PRKN: variants seen among roughly 807,000 people sequenced by gnomAD.
The protein encoded by PRKN is parkin RBR E3 ubiquitin protein ligase.
Under a neutral mutation model 59.5 loss-of-function variants are expected in PRKN, and 56 were observed. That is an observed-to-expected ratio of 0.94 (90% CI 0.76 to 1.18). The LOEUF is 1.18. Among genes scored for constraint, PRKN ranks in the 50% most tolerant of loss-of-function variants. PRKN has a pLI of 0.00. For synonymous variants in PRKN, 250 were observed against 222.1 expected (o/e 1.13, Z -1.12); for missense variants, 657 against 596.4 (o/e 1.10, Z -1.06).
intron 1 of PRKN, among the ~76,000 whole-genome samples, chr6:162,723,363 C>A (rs994215421): frequency 6.6e-6 from 1 of 152,144 alleles, no homozygotes; most frequent in Admixed American, 6.5e-5. Flanking sequence ...TCTTCGATGG[C>A]ACATGGGAGG....
intron 1 of PRKN, among the ~76,000 whole-genome samples, chr6:162,512,368 A>G (rs1310867473): frequency 6.6e-6 from 1 of 152,244 alleles, no homozygotes; most frequent in African/African-American, 2.4e-5. Flanking sequence ...CTTGGTGCTT[A>G]TGTTGCACTG....
intron 1 of PRKN, among the ~76,000 whole-genome samples, chr6:162,588,392 CAA>C (rs68135970): frequency 6.9e-6 from 1 of 143,952 alleles, no homozygotes; most frequent in African/African-American, 2.6e-5. Context: ...CTCACATTAA[CAA>C]AAAAAAAAAG....
In PRKN at chr6:162,603,834, C is replaced by T. The variant is rs377453658; in HGVS notation, c.7+123828G>A. ...TGTCACATTTCTGAAAGGGATCCTG[C>T]GGAAGCTGATTAAACTGTTAGAAAA... is the stretch of plus-strand genomic sequence containing the variant. On this transcript the variant is annotated intron_variant, in intron 1 of 11. Coordinates refer to ENST00000366898, the MANE Select transcript of PRKN (RefSeq NM_004562.3). 5.3e-5 allele frequency among the ~76,000 whole-genome samples: 8 copies of T among 152,160 alleles called. No homozygotes were observed. In the South Asian group the frequency reaches 1.0e-3, roughly 20 times the overall value.
chr6:162,519,583 T>C (rs771262365), intron 1 of PRKN, among the ~76,000 whole-genome samples: 76 of 152,160 alleles, frequency 5.0e-4, no homozygotes, highest in Non-Finnish European at 9.1e-4. Flanking sequence ...TGCATAAACA[T>C]AGTTCAGACT....
chr6:162,481,230 A>G (rs1342038253), intron 1 of PRKN, among the ~76,000 whole-genome samples: 1 of 152,216 alleles, frequency 6.6e-6, no homozygotes, highest in Non-Finnish European at 1.5e-5. Context: ...CTATTGATCT[A>G]GCCAGCTTCA....
At chr6:161,489,202 C>G (rs2115265479) in intron 9 of PRKN, among the ~76,000 whole-genome samples, 1 of 151,060 alleles carries the variant, frequency 6.6e-6, no homozygotes, top group South Asian at 2.1e-4. Flanking sequence ...TTTTAGTTGC[C>G]TTGTCAGTTA....
chr6:161,387,005 T>C (rs1484832646), intron 9 of PRKN, 128 bp from the exon 10 acceptor site: 1 of 784,254 alleles, frequency 1.3e-6, no homozygotes, highest in African/African-American at 1.7e-5. Context: ...TAAAAATACT[T>C]TTTTTGCAAA....
At chr6:161,989,766 C>T (rs928258678) in intron 5 of PRKN, among the ~76,000 whole-genome samples, 15 of 152,120 alleles carry the variant, frequency 9.9e-5, no homozygotes, top group African/African-American at 3.1e-4. Context: ...AGGGCCCTGA[C>T]GATGGGCCTG....
chr6:162,523,832 C>T (rs1778169471), intron 1 of PRKN, among the ~76,000 whole-genome samples: 2 of 151,992 alleles, frequency 1.3e-5, no homozygotes, highest in South Asian at 4.1e-4. Context: ...GCCTGGGCAA[C>T]ATAGCACCAC....
intron 5 of PRKN, among the ~76,000 whole-genome samples, chr6:162,019,358 T>C (rs772145152): frequency 1.3e-5 from 2 of 152,164 alleles, no homozygotes; most frequent in Admixed American, 6.5e-5. Context: ...AGACATGGGC[T>C]AAGGAGCTGA....
intron 7 of PRKN, among the ~76,000 whole-genome samples, chr6:161,736,383 A>T (rs1469461870): frequency 1.3e-5 from 2 of 152,340 alleles, no homozygotes; most frequent in Non-Finnish European, 2.9e-5. Context: ...GAGCAGCAGT[A>T]AAGGTGAGAA....
intron 1 of PRKN, among the ~76,000 whole-genome samples, chr6:162,613,313 A>C (rs531553342): frequency 6.6e-6 from 1 of 152,208 alleles, no homozygotes. Flanking sequence ...TTTTTAGGGA[A>C]TAGAGAATAA....
intron 7 of PRKN, among the ~76,000 whole-genome samples, chr6:161,744,888 C>T (rs1325799671): frequency 6.6e-6 from 1 of 152,210 alleles, no homozygotes; most frequent in Admixed American, 6.5e-5. Context: ...CCATTATTAC[C>T]ACATGCTTAC....
chr6:161,637,791 T>A (rs1783583122), intron 7 of PRKN, among the ~76,000 whole-genome samples: 1 of 151,992 alleles, frequency 6.6e-6, no homozygotes, highest in Non-Finnish European at 1.5e-5. Flanking sequence ...AGGATACAGT[T>A]TTTCTGCTTC....
chr6:162,284,731 A>G (rs149251246), intron 2 of PRKN, among the ~76,000 whole-genome samples: 1 of 152,314 alleles, frequency 6.6e-6, no homozygotes, highest in African/African-American at 2.4e-5. Flanking sequence ...TGATATTCGT[A>G]TACATCTGGG....
intron 1 of PRKN, among the ~76,000 whole-genome samples, chr6:162,549,987 A>G (rs1311755809): frequency 6.6e-6 from 1 of 152,160 alleles, no homozygotes. Context: ...AAAGCCACAC[A>G]GTGGATGATG....
At chr6:162,432,085 G>A (rs148496641) in intron 2 of PRKN, among the ~76,000 whole-genome samples, 6 of 152,200 alleles carry the variant, frequency 3.9e-5, no homozygotes, top group African/African-American at 1.4e-4. Context: ...AGTGAACAGG[G>A]CTGAATAACC....
intron 9 of PRKN, among the ~76,000 whole-genome samples, chr6:161,522,300 G>GAAGATGGAT (rs1185930697): frequency 6.6e-6 from 1 of 152,208 alleles, no homozygotes; most frequent in East Asian, 1.9e-4. Flanking sequence ...GGAGAGGGCT[G>GAAGATGGAT]AAGATGGATA....
chr6:161,837,332 C>T (rs986376217), intron 6 of PRKN, among the ~76,000 whole-genome samples: 25 of 152,076 alleles, frequency 1.6e-4, no homozygotes, highest in African/African-American at 5.6e-4. Flanking sequence ...AGAAGAGAAA[C>T]GCTCTACCCC....
Sources: allele counts gnomAD v4.1 joint callset (sites outside exome capture counted in the v4.1 genomes callset), GRCh38; gene constraint gnomAD v4.1.1; transcripts MANE v1.5; gene names NCBI Gene and HGNC (gene_info 2026-07-23, HGNC 2026-07-21).